MIB1: variants seen among roughly 807,000 people sequenced by gnomAD.
MIB1 encodes the protein E3 ubiquitin-protein ligase MIB1.
MIB1 carries 278 observed loss-of-function variants against 124.5 expected under a neutral mutation model. The observed-to-expected ratio is 2.23, with a 90% CI of 2.02 to 2.47. The LOEUF is 2.47. Among genes scored for constraint, MIB1 ranks in the 30% most tolerant of loss-of-function variants. The pLI, the probability that MIB1 is intolerant of heterozygous loss-of-function variation, is 0.00. For synonymous variants in MIB1, 446 were observed against 429.4 expected, an observed-to-expected ratio of 1.04 and a Z score of -0.48; for missense variants, 957 against 1,254.4, an observed-to-expected ratio of 0.76 and a Z score of 3.58.
At chr18:21,726,422 C>G (rs966706231) in intron 1 of MIB1, among the ~76,000 whole-genome samples, 1 of 152,110 alleles carries the variant, frequency 6.6e-6, no homozygotes, top group South Asian at 2.1e-4. Context: ...AGAAATCTGT[C>G]TACGTTCCGA....
At chr18:21,782,543 T>G (rs2041382588) in intron 6 of MIB1, among the ~76,000 whole-genome samples, 1 of 152,004 alleles carries the variant, frequency 6.6e-6, no homozygotes, top group African/African-American at 2.4e-5. Context: ...ATTTTAAAAT[T>G]TCCTTCTTAA....
At chr18:21,721,106 A>T (rs1212115779) in intron 1 of MIB1, among the ~76,000 whole-genome samples, 1 of 149,810 alleles carries the variant, frequency 6.7e-6, no homozygotes, top group Non-Finnish European at 1.5e-5. Flanking sequence ...ATGTAATAAA[A>T]AGTTATTTTT....
intron 1 of MIB1, among the ~76,000 whole-genome samples, chr18:21,751,449 T>C (rs1264654232): frequency 1.3e-5 from 2 of 151,832 alleles, no homozygotes; most frequent in Non-Finnish European, 2.9e-5. Flanking sequence ...TTAGTAGAGA[T>C]GGGGTTTCAC....
chr18:21,861,264 TATCTAATAC>T (rs1343133483), intron 20 of MIB1, among the ~76,000 whole-genome samples: 1 of 152,032 alleles, frequency 6.6e-6, no homozygotes, highest in East Asian at 1.9e-4. Context: ...ACATTTAATA[TATCTAATAC>T]ATCTAATATA....
intron 1 of MIB1, among the ~76,000 whole-genome samples, chr18:21,742,735 A>G (rs1160937061): frequency 6.6e-6 from 1 of 152,224 alleles, no homozygotes. Flanking sequence ...TTGATTCTGT[A>G]GAAAATAGTT....
chr18:21,774,960 T>TA (rs1568195975), intron 4 of MIB1, among the ~76,000 whole-genome samples: 1,787 of 143,152 alleles, frequency 0.012, 45 homozygotes, highest in African/African-American at 0.042. Flanking sequence ...TTTATTTATT[T>TA]TTTGAGACAC....
chr18:21,845,833 C>T (rs1333755712), intron 15 of MIB1, among the ~76,000 whole-genome samples: 1 of 152,078 alleles, frequency 6.6e-6, no homozygotes, highest in East Asian at 1.9e-4. Context: ...CTATGTTGGC[C>T]AGACTGGTCC....
Position 21,791,441 on chromosome 18 carries a change from G to GC in MIB1, c.977dup (p.Glu327ArgfsTer11). The GC allele has an allele frequency of 6.2e-7, 1 of 1,614,048 alleles. No individual in the cohort carries two copies. Among genetic ancestry groups the GC allele is most frequent in the Non-Finnish European group, 8.5e-7 (1 of 1,179,960 alleles). ...CCGAAGTGGAGATGCTGCTCAGGGT[G>GC]CAGAAGGAGGCACCTCGCAGTTTCA... On this transcript the variant is annotated frameshift_variant, in exon 7 of 21. Transcript: ENST00000261537. LOFTEE classifies it high-confidence loss of function.
intron 1 of MIB1, among the ~76,000 whole-genome samples, chr18:21,732,979 C>T (rs1319924104): frequency 1.3e-5 from 2 of 152,144 alleles, no homozygotes; most frequent in Non-Finnish European, 2.9e-5. Context: ...TCCAGCATCT[C>T]AAAAAACGGT....
chr18:21,764,083 C>T (rs765948152), intron 1 of MIB1, among the ~76,000 whole-genome samples: 2 of 152,158 alleles, frequency 1.3e-5, no homozygotes, highest in Non-Finnish European at 2.9e-5. Flanking sequence ...TCAGTAGCCA[C>T]TCATGTCCAC....
intron 1 of MIB1, among the ~76,000 whole-genome samples, chr18:21,748,422 C>G (rs377156504): frequency 1.5e-5 from 2 of 129,228 alleles, no homozygotes; most frequent in African/African-American, 5.7e-5. Flanking sequence ...TCCCTCTTTC[C>G]CCCCTTCTCC....
At chr18:21,823,256 C>T (rs1380685965) in intron 12 of MIB1, among the ~76,000 whole-genome samples, 1 of 149,608 alleles carries the variant, frequency 6.7e-6, no homozygotes. Flanking sequence ...AAAGAATCAG[C>T]TGGGTGTGGC....
intron 9 of MIB1, among the ~76,000 whole-genome samples, chr18:21,801,248 C>A (rs1480667849): frequency 6.6e-6 from 1 of 151,886 alleles, no homozygotes; most frequent in African/African-American, 2.4e-5. Flanking sequence ...TTTCCTGGAT[C>A]TTTTGATACC....
intron 12 of MIB1, among the ~76,000 whole-genome samples, chr18:21,832,620 A>G (rs913192347): frequency 4.6e-5 from 7 of 152,160 alleles, no homozygotes; most frequent in Admixed American, 4.6e-4. Flanking sequence ...AAGAAAAACT[A>G]TTACGAGTTT....
intron 1 of MIB1, among the ~76,000 whole-genome samples, chr18:21,735,493 C>T (rs547017348): frequency 1.9e-3 from 295 of 151,560 alleles, no homozygotes; most frequent in South Asian, 4.4e-3. Flanking sequence ...TTTTTCATAC[C>T]CCGGTGGCAT....
chr18:21,792,541 C>T (rs2041518657), intron 7 of MIB1, among the ~76,000 whole-genome samples: 1 of 152,074 alleles, frequency 6.6e-6, no homozygotes. Flanking sequence ...TATTTTAGCA[C>T]ATATAATATG....
chr18:21,807,859 C>T (rs1199744071), intron 10 of MIB1, among the ~76,000 whole-genome samples: 1 of 152,142 alleles, frequency 6.6e-6, no homozygotes, highest in Non-Finnish European at 1.5e-5. Context: ...AAATATTAAA[C>T]ATATACAAAA....
At chr18:21,810,475 C>A (rs1281581901) in intron 10 of MIB1, among the ~76,000 whole-genome samples, 1 of 151,964 alleles carries the variant, frequency 6.6e-6, no homozygotes, top group Non-Finnish European at 1.5e-5. Context: ...ACTCACTCTT[C>A]CTACTTTCAA....
chr18:21,709,054 C>T (rs1362265660), intron 1 of MIB1, among the ~76,000 whole-genome samples: 2 of 152,140 alleles, frequency 1.3e-5, no homozygotes, highest in African/African-American at 2.4e-5. Context: ...CGGTGGCTCA[C>T]GCCTGTAATC....
Sources: allele counts gnomAD v4.1 joint callset (sites outside exome capture counted in the v4.1 genomes callset), GRCh38; gene constraint gnomAD v4.1.1; transcripts MANE v1.5; gene names NCBI Gene and HGNC (gene_info 2026-07-23, HGNC 2026-07-21).